Variants in CDC6 observed in about 807,000 individuals in gnomAD.
CDC6 encodes the protein cell division cycle 6.
Under a neutral mutation model 60.2 loss-of-function variants are expected in CDC6, and 46 were observed. That is an observed-to-expected ratio of 0.76 (90% CI 0.60 to 0.98). The LOEUF is 0.98. Ranked by LOEUF, CDC6 falls within the 50% of genes least tolerant of loss-of-function variation. The pLI is 0.00. For missense variants in CDC6, 596 were observed against 652.9 expected, an observed-to-expected ratio of 0.91 and a Z score of 0.95; for synonymous variants, 210 against 233.2, an observed-to-expected ratio of 0.90 and a Z score of 0.90.
At chr17:40,295,629 A>G (rs2032846982) in intron 8 of CDC6, 173 bp downstream of exon 8, 1 of 617,808 alleles carries the variant, frequency 1.6e-6, no homozygotes, top group African/African-American at 1.8e-5. Flanking sequence ...CCACCGTGTT[A>G]ATGTCTGAAA....
rs775361474 is a variant in CDC6, at chr17:40,289,555, T to C, written c.135T>C (p.Ser45=). Residue 45 remains serine (S), a synonymous_variant, in exon 2 of 12, where the codon TCT becomes TCC. Transcript: ENST00000209728. Reference sequence around the variant, plus strand: ...CAAATGTCCAAACCGTAACCTGTTCTCCTCGTGTAAAAGCCCTGCCTCTCA... The same window carrying C: ...CAAATGTCCAAACCGTAACCTGTTCCCCTCGTGTAAAAGCCCTGCCTCTCA... The part of the protein sequence containing the change: ...EPTNVQTVTC[S]PRVKALPLSP... The C allele has an allele frequency of 6.2e-7, 1 of 1,613,972 alleles. No individual in the cohort carries two copies. Among genetic ancestry groups the C allele is most frequent in the East Asian group, 2.2e-5 (1 of 44,870 alleles).
At chr17:40,301,638 T>C in intron 11 of CDC6, 30 bp downstream of exon 11, 2 of 1,608,834 alleles carry the variant, frequency 1.2e-6, no homozygotes, top group Non-Finnish European at 1.7e-6. Context: ...ACAGTGTTTT[T>C]AATTGTCCTA....
At chr17:40,288,708 C>T (rs1381856144) in intron 1 of CDC6, among the ~76,000 whole-genome samples, 3 of 150,432 alleles carry the variant, frequency 2.0e-5, no homozygotes, top group Non-Finnish European at 4.4e-5. Context: ...CCTCAGCCTC[C>T]CGAGTAGCTG....
At chr17:40,301,181 G>A in intron 10 of CDC6, 151 bp downstream of exon 10, 1 of 720,290 alleles carries the variant, frequency 1.4e-6, no homozygotes, top group South Asian at 1.5e-5. Flanking sequence ...TATATAAAAG[G>A]CACCTATTTC....
chr17:40,291,398 A>T (rs1198990757), intron 3 of CDC6, 59 bp downstream of exon 3: 1 of 1,612,192 alleles, frequency 6.2e-7, no homozygotes, highest in Non-Finnish European at 8.5e-7. Context: ...GATGACTCCA[A>T]ATGAAACCAC....
rs947081826 is a variant in CDC6 at position 40,304,513 on chromosome 17, C to T, written c.*2512C>T. The T allele has an allele frequency of 7.9e-5, 12 of 152,214 alleles. No homozygotes were observed. The highest frequency in any genetic ancestry group is 2.9e-4 in the African/African-American group (12 of 41,436). 9.4% of individuals were successfully genotyped at this position (152,214 alleles called of 1,614,324 possible). A position where few individuals can be genotyped will look rare whatever the true frequency, so the allele number is the denominator to read the frequency against. The stretch of plus-strand genomic sequence containing the variant: ...AGTGGCAAAGATGCTGACCTACATT[C>T]TTCCTTTTGAAGGTGATGGAGTGTG... On this transcript the variant is annotated 3_prime_UTR_variant, in exon 12 of 12. Coordinates refer to ENST00000209728, the MANE Select transcript of CDC6 (RefSeq NM_001254.4).
intron 8 of CDC6, 178 bp downstream of exon 8, chr17:40,295,634 C>G (rs2032847115): frequency 1.6e-6 from 1 of 611,548 alleles, no homozygotes; most frequent in Admixed American, 2.7e-5. Context: ...GTGTTAATGT[C>G]TGAAACATTA....
chr17:40,295,470 C>G lies in CDC6; in HGVS notation c.1184+14C>G. ...GGATGTTTGCAGGTGAGTTACGGCT[C>G]TGTTGCATTCTTTTATTAAAAAAAA... is the stretch of plus-strand genomic sequence containing the variant. On this transcript the variant is annotated intron_variant, in intron 8 of 11. Transcript: ENST00000209728. The G allele has an allele frequency of 6.8e-7, 1 of 1,459,878 alleles. No homozygotes were observed. The highest frequency in any genetic ancestry group is 9.6e-7 in the Non-Finnish European group (1 of 1,041,430). The allele number at this position is 1,459,878 out of a possible 1,614,324, so 90.4% of individuals were successfully genotyped here.
At position 40,302,350 on chromosome 17, in the gene CDC6, G is replaced by GT. The variant is rs928744647; in HGVS notation, c.*357dup. The GT allele has an allele frequency of 6.3e-4, 167 of 265,120 alleles. No individual in the cohort carries two copies. The highest frequency in any genetic ancestry group is 2.4e-3 in the African/African-American group (105 of 43,822). The allele number at this position is 265,120 out of a possible 1,614,324, so 16.4% of individuals were successfully genotyped here. A position where few individuals can be genotyped will look rare whatever the true frequency, so the allele number is the denominator to read the frequency against. The stretch of plus-strand genomic sequence containing the variant: ...AACATGAGTGGGTATTTTTTTGTTT[G>GT]TTTTTTTTGTTGTTGTTGTTTTTGA... On this transcript the variant is annotated 3_prime_UTR_variant, in exon 12 of 12. Coordinates refer to ENST00000209728, the MANE Select transcript of CDC6 (RefSeq NM_001254.4).
Position 40,301,471 on chromosome 17 carries a change from T to C in CDC6, c.1456T>C (p.Tyr486His), listed in dbSNP as rs139013087. The stretch of plus-strand genomic sequence containing the variant: ...GTTCTCCCTTGTTTCCTACCAGTTA[T>C]ATGAAGCCTACAGTAAAGTCTGTCG... The part of the protein sequence containing the change: ...KIKEVTLGKL[Y>H]EAYSKVCRKQ... The change falls in exon 11 of 12, where the codon TAT becomes CAT. Residue 486 changes from tyrosine (Y) to histidine (H), a missense_variant. Physicochemically the swap from Tyr to His is moderately conservative, Grantham distance 83. Coordinates refer to ENST00000209728, the MANE Select transcript of CDC6 (RefSeq NM_001254.4). 1.1e-4 allele frequency: 180 copies of C among 1,613,946 alleles called. No individual in the cohort carries two copies. Among genetic ancestry groups the C allele is most frequent in the Non-Finnish European group, 1.4e-4 (169 of 1,179,898 alleles).
At position 40,291,065 on chromosome 17, in the gene CDC6, C is replaced by T. The variant is rs1274206423; in HGVS notation, c.186C>T (p.Asp62=). ...PLSPRKRLGD[D]NLCNTPHLPP... The stretch of plus-strand genomic sequence containing the variant: ...TATTTTATTGTGTTTCAGGCGATGA[C>T]AACCTATGCAACACTCCCCATTTAC... The change falls in exon 3 of 12, where the codon GAC becomes GAT. Residue 62 remains aspartate (D), a synonymous_variant. Transcript: ENST00000209728. 21 of 1,614,004 alleles carry T rather than the reference C, an allele frequency of 1.3e-5. No individual in the cohort carries two copies. The highest frequency in any genetic ancestry group is 1.4e-5 in the Non-Finnish European group (17 of 1,179,992).
At chr17:40,295,118 T>C (rs2143091055) in intron 7 of CDC6, among the ~76,000 whole-genome samples, 1 of 152,338 alleles carries the variant, frequency 6.6e-6, no homozygotes, top group East Asian at 1.9e-4. Context: ...TTTTTGCTAA[T>C]TTCAGTTCTG....
At chr17:40,295,658 T>C (rs924062811) in intron 8 of CDC6, among the ~76,000 whole-genome samples, 3 of 152,172 alleles carry the variant, frequency 2.0e-5, no homozygotes, top group African/African-American at 7.2e-5. Context: ...GTCCATTACC[T>C]ACAGAGGGAG....
At position 40,295,487 on chromosome 17, in the gene CDC6, T is replaced by G; in HGVS notation, c.1184+31T>G. 4.5e-6 allele frequency: 5 copies of G among 1,119,870 alleles called. No homozygotes were observed. The South Asian group carries it at 5.1e-5, about 11-fold the overall frequency. The allele number at this position is 1,119,870 out of a possible 1,614,324, so 69.4% of individuals were successfully genotyped here. A position where few individuals can be genotyped will look rare whatever the true frequency, so the allele number is the denominator to read the frequency against. ...TTACGGCTCTGTTGCATTCTTTTAT[T>G]AAAAAAAAAAAAAAAGAAATGCTGT... On this transcript the variant is annotated intron_variant, in intron 8 of 11. Transcript: ENST00000209728.
At chr17:40,288,959 C>G (rs2032707929) in intron 1 of CDC6, among the ~76,000 whole-genome samples, 1 of 152,190 alleles carries the variant, frequency 6.6e-6, no homozygotes, top group Non-Finnish European at 1.5e-5. Context: ...CCTCAGCCTC[C>G]CAAAGTGCTG....
chr17:40,304,346 G>A lies in CDC6; in HGVS notation c.*2345G>A, dbSNP rs2032973266. The A allele has an allele frequency of 6.6e-6, 1 of 152,212 alleles. No individual in the cohort carries two copies. Among genetic ancestry groups the A allele is most frequent in the South Asian group, 2.1e-4 (1 of 4,834 alleles). 9.4% of individuals were successfully genotyped at this position (152,212 alleles called of 1,614,324 possible). On this transcript the variant is annotated 3_prime_UTR_variant, in exon 12 of 12. Transcript: ENST00000209728. ...AGTCTTAAGTGTAATTCAGACTGCT[G>A]AGGAAGAAAGCCCTTTCCTTGCTGG...
rs1484376519 is a variant in CDC6 at position 40,302,945 on chromosome 17, T to C, written c.*944T>C. Reference sequence around the variant, plus strand: ...TTCTTTGTCTTTTTAAGCAATCAGATTTCAAGAGAGCTCAAGCTTTCAGAA... The same window carrying C: ...TTCTTTGTCTTTTTAAGCAATCAGACTTCAAGAGAGCTCAAGCTTTCAGAA... On this transcript the variant is annotated 3_prime_UTR_variant, in exon 12 of 12. Transcript: ENST00000209728. 1 of 152,196 alleles carries C rather than the reference T, an allele frequency of 6.6e-6. No homozygotes were observed. The highest frequency in any genetic ancestry group is 1.5e-5 in the Non-Finnish European group (1 of 68,024). The allele number at this position is 152,196 out of a possible 1,614,324, so 9.4% of individuals were successfully genotyped here.
At position 40,302,681 on chromosome 17, in the gene CDC6, A is replaced by C. The variant is rs778199426; in HGVS notation, c.*680A>C. ...ATTAAGGTATTTTGTTAAGAACTTT[A>C]AGTTTAGGGTAAGAAGAATGAAAAT... On this transcript the variant is annotated 3_prime_UTR_variant, in exon 12 of 12. Coordinates refer to ENST00000209728, the MANE Select transcript of CDC6 (RefSeq NM_001254.4). 5 of 152,232 alleles carry C rather than the reference A, an allele frequency of 3.3e-5. No homozygotes were observed. The highest frequency in any genetic ancestry group is 4.8e-5 in the African/African-American group (2 of 41,434). The allele number at this position is 152,232 out of a possible 1,614,324, so 9.4% of individuals were successfully genotyped here. A position where few individuals can be genotyped will look rare whatever the true frequency, so the allele number is the denominator to read the frequency against.
chr17:40,289,265 G>T, intron 1 of CDC6, 143 bp from the exon 2 acceptor site: 1 of 748,062 alleles, frequency 1.3e-6, no homozygotes, highest in Non-Finnish European at 2.2e-6. Flanking sequence ...ATTTGGATGT[G>T]AAGCAAAAGT....
Sources: gnomAD v4.1 joint callset for allele counts (sites outside exome capture counted in the v4.1 genomes callset) on GRCh38, gnomAD v4.1.1 for gene constraint, MANE v1.5 for transcripts, NCBI Gene and HGNC (gene_info 2026-07-23, HGNC 2026-07-21) for gene names.